The following ARHGAP28 variants were observed in gnomAD, a reference collection of about 807,000 sequenced individuals.
The protein encoded by ARHGAP28 is rho GTPase-activating protein 28.
In ARHGAP28, 56 loss-of-function variants were observed where a neutral mutation model predicts 90.7. The observed-to-expected ratio is 0.62, with a 90% CI of 0.50 to 0.77. The LOEUF (loss-of-function observed/expected upper bound fraction) is 0.77. Among genes scored for constraint, ARHGAP28 ranks in the 30% least tolerant of loss-of-function variants. The pLI is 0.00. For missense variants in ARHGAP28, 869 were observed against 900.9 expected (o/e 0.96, Z 0.45); for synonymous variants, 308 against 323.3 (o/e 0.95, Z 0.51).
At chr18:6,863,199 T>A (rs945413952) in intron 5 of ARHGAP28, among the ~76,000 whole-genome samples, 7 of 152,006 alleles carry the variant, frequency 4.6e-5, no homozygotes, top group African/African-American at 1.7e-4. Flanking sequence ...AAGTTCTTGA[T>A]TTTTCTTATG....
chr18:6,857,010 G>T (rs983785230), intron 4 of ARHGAP28, among the ~76,000 whole-genome samples: 1 of 152,116 alleles, frequency 6.6e-6, no homozygotes, highest in South Asian at 2.1e-4. Flanking sequence ...TGGACATTTG[G>T]ATTGTTTACA....
At chr18:6,731,378 T>C (rs2055881247) in intron 1 of ARHGAP28, among the ~76,000 whole-genome samples, 2 of 152,188 alleles carry the variant, frequency 1.3e-5, no homozygotes, top group African/African-American at 4.8e-5. Flanking sequence ...CTGTCCTGTC[T>C]ATAATTCCCA....
intron 1 of ARHGAP28, among the ~76,000 whole-genome samples, chr18:6,748,258 A>AAAG (rs1567934101): frequency 3.9e-5 from 6 of 152,198 alleles, no homozygotes; most frequent in African/African-American, 1.4e-4. Flanking sequence ...ATCAATACCT[A>AAAG]TTCCGGGAAA....
chr18:6,768,550 C>T (rs888467490), intron 1 of ARHGAP28, among the ~76,000 whole-genome samples: 3 of 152,074 alleles, frequency 2.0e-5, no homozygotes, highest in African/African-American at 7.2e-5. Flanking sequence ...CCTTTAGGAG[C>T]TCTGGGAATT....
chr18:6,822,870 A>G (rs552824548), intron 1 of ARHGAP28, among the ~76,000 whole-genome samples: 17 of 152,270 alleles, frequency 1.1e-4, no homozygotes, highest in Non-Finnish European at 2.5e-4. Context: ...TGGTGTTATT[A>G]TGGAAACATT....
chr18:6,732,613 CCT>C (rs1320710607), intron 1 of ARHGAP28, among the ~76,000 whole-genome samples: 4 of 152,190 alleles, frequency 2.6e-5, no homozygotes, highest in Admixed American at 6.5e-5. Context: ...CCACACTCTC[CCT>C]GTTTCCCTTC....
At chr18:6,794,633 GT>G (rs1245121104) in intron 1 of ARHGAP28, among the ~76,000 whole-genome samples, 1 of 152,126 alleles carries the variant, frequency 6.6e-6, no homozygotes, top group Non-Finnish European at 1.5e-5. Context: ...CTTGCCTTTT[GT>G]TTGTTCAATA....
chr18:6,835,013 AAGG>A (rs2056742836), intron 2 of ARHGAP28, among the ~76,000 whole-genome samples: 1 of 152,342 alleles, frequency 6.6e-6, no homozygotes, highest in East Asian at 1.9e-4. Context: ...CTGAAATTCA[AAGG>A]AGTTCTCTGT....
At chr18:6,903,960 T>C (rs972694067) in intron 16 of ARHGAP28, among the ~76,000 whole-genome samples, 3 of 151,682 alleles carry the variant, frequency 2.0e-5, no homozygotes, top group Non-Finnish European at 4.4e-5. Context: ...AAACTAGATA[T>C]CAGTAACAGA....
At chr18:6,754,977 C>T (rs1326412776) in intron 1 of ARHGAP28, among the ~76,000 whole-genome samples, 4 of 152,090 alleles carry the variant, frequency 2.6e-5, no homozygotes, top group Non-Finnish European at 5.9e-5. Flanking sequence ...GAAACCTCGT[C>T]TCTACCAAAA....
At chr18:6,845,210 C>T (rs2056857127) in intron 3 of ARHGAP28, among the ~76,000 whole-genome samples, 1 of 152,150 alleles carries the variant, frequency 6.6e-6, no homozygotes, top group East Asian at 1.9e-4. Context: ...ACCCTGGTAG[C>T]TGGGACTACA....
intron 1 of ARHGAP28, among the ~76,000 whole-genome samples, chr18:6,794,716 C>T (rs1252201187): frequency 2.6e-5 from 4 of 152,068 alleles, no homozygotes; most frequent in Non-Finnish European, 4.4e-5. Flanking sequence ...GGGTCTTGCT[C>T]TGTTGTCCAG....
At chr18:6,847,796 C>T (rs929120205) in intron 3 of ARHGAP28, among the ~76,000 whole-genome samples, 6 of 152,088 alleles carry the variant, frequency 3.9e-5, no homozygotes, top group African/African-American at 1.4e-4. Context: ...TAGAAGGACT[C>T]ACAGGATGCA....
At chr18:6,870,936 G>A (rs988162682) in intron 7 of ARHGAP28, among the ~76,000 whole-genome samples, 4 of 152,152 alleles carry the variant, frequency 2.6e-5, no homozygotes, top group Non-Finnish European at 4.4e-5. Flanking sequence ...GAGTAGCTGG[G>A]ACTACAGGCA....
intron 17 of ARHGAP28, among the ~76,000 whole-genome samples, chr18:6,910,412 C>T (rs756682225): frequency 6.6e-6 from 1 of 152,182 alleles, no homozygotes; most frequent in Non-Finnish European, 1.5e-5. Flanking sequence ...GTGGATGCCA[C>T]TGAGATTTCT....
chr18:6,873,801 A>C, intron 9 of ARHGAP28, 26 bp downstream of exon 9: 3 of 1,577,092 alleles, frequency 1.9e-6, no homozygotes, highest in Non-Finnish European at 2.6e-6. Context: ...ATGAAAGGGG[A>C]ATTCACAGAG....
chr18:6,887,022 G>T, intron 11 of ARHGAP28, 135 bp from the exon 12 acceptor site: 1 of 715,748 alleles, frequency 1.4e-6, no homozygotes, highest in Non-Finnish European at 2.5e-6. Flanking sequence ...AATTTACATT[G>T]CTGGGCACAA....
At chr18:6,881,206 A>T (rs1488957484) in intron 10 of ARHGAP28, among the ~76,000 whole-genome samples, 1 of 152,142 alleles carries the variant, frequency 6.6e-6, no homozygotes, top group Admixed American at 6.5e-5. Context: ...AAAAGGTCAG[A>T]TGTGCACACT....
chr18:6,841,182 T>TCTCTCTCTCTCTCTCTCTCTCTC, intron 3 of ARHGAP28, among the ~76,000 whole-genome samples: 1 of 44,234 alleles, frequency 2.3e-5, no homozygotes, highest in Non-Finnish European at 4.1e-5. Context: ...CTCTCTCTCC[T>TCTCTCTCTCTCTCTCTCTCTCTC]CTCTCTCTCT....
Sources: allele counts gnomAD v4.1 joint callset (sites outside exome capture counted in the v4.1 genomes callset), GRCh38; gene constraint gnomAD v4.1.1; transcripts MANE v1.5; gene names NCBI Gene and HGNC (gene_info 2026-07-23, HGNC 2026-07-21).